Variants in FHIT observed in about 807,000 individuals in gnomAD.
The protein encoded by FHIT is fragile histidine triad diadenosine triphosphatase, also known as bis(5'-adenosyl)-triphosphatase.
FHIT carries 19 observed loss-of-function variants against 17.9 expected under a neutral mutation model. The observed-to-expected ratio is 1.06, with a 90% CI of 0.74 to 1.56. FHIT has a LOEUF of 1.56. FHIT is among the 40% of genes most tolerant of loss of function. The pLI, the probability that FHIT is intolerant of heterozygous loss-of-function variation, is 0.00. For synonymous variants in FHIT, 81 were observed against 69.7 expected (o/e 1.16, Z -0.81); for missense variants, 248 against 189.2 (o/e 1.31, Z -1.82).
At chr3:60,182,081 A>G (rs993465479) in intron 5 of FHIT, among the ~76,000 whole-genome samples, 1 of 152,188 alleles carries the variant, frequency 6.6e-6, no homozygotes, top group African/African-American at 2.4e-5. Flanking sequence ...GAACGATATG[A>G]GATAACTTCT....
At chr3:59,826,673 G>T (rs931145189) in intron 8 of FHIT, among the ~76,000 whole-genome samples, 1 of 152,250 alleles carries the variant, frequency 6.6e-6, no homozygotes, top group Non-Finnish European at 1.5e-5. Flanking sequence ...TCATACACGG[G>T]AGTCTCAGCG....
chr3:60,843,108 A>G (rs943435757), intron 3 of FHIT, among the ~76,000 whole-genome samples: 3 of 152,172 alleles, frequency 2.0e-5, no homozygotes, highest in Non-Finnish European at 2.9e-5. Flanking sequence ...AAAGGAATAC[A>G]GTTTAAAATT....
chr3:60,115,637 T>C (rs1704922589), intron 5 of FHIT, among the ~76,000 whole-genome samples: 2 of 152,172 alleles, frequency 1.3e-5, no homozygotes, highest in Admixed American at 6.5e-5. Flanking sequence ...GTAAAACATT[T>C]GTCACAGTTT....
At chr3:60,041,674 G>A (rs565710371) in intron 5 of FHIT, among the ~76,000 whole-genome samples, 5 of 152,272 alleles carry the variant, frequency 3.3e-5, no homozygotes, top group South Asian at 2.1e-4. Flanking sequence ...AAGCTGTCAT[G>A]GGGAGAAGAT....
intron 4 of FHIT, among the ~76,000 whole-genome samples, chr3:60,679,680 C>T (rs1553696319): frequency 6.6e-6 from 1 of 151,786 alleles, no homozygotes; most frequent in Non-Finnish European, 1.5e-5. Context: ...TGAATTTTTG[C>T]CTGCATCTCT....
intron 5 of FHIT, among the ~76,000 whole-genome samples, chr3:60,216,967 C>T (rs367569783): frequency 1.3e-5 from 2 of 152,072 alleles, no homozygotes; most frequent in South Asian, 2.1e-4. Flanking sequence ...CCATTTTATC[C>T]AACTACCCAG....
intron 5 of FHIT, among the ~76,000 whole-genome samples, chr3:60,331,353 T>G (rs1032958942): frequency 6.6e-6 from 1 of 152,174 alleles, no homozygotes; most frequent in African/African-American, 2.4e-5. Context: ...CCAAGTTTCA[T>G]GTTTCCTCTA....
chr3:61,084,479 C>T (rs1033975987), intron 2 of FHIT, among the ~76,000 whole-genome samples: 2 of 152,088 alleles, frequency 1.3e-5, no homozygotes, highest in African/African-American at 4.8e-5. Flanking sequence ...GAGAATAGAC[C>T]TCTTGACCCT....
At chr3:60,559,681 G>A (rs1409500368) in intron 4 of FHIT, among the ~76,000 whole-genome samples, 1 of 152,026 alleles carries the variant, frequency 6.6e-6, no homozygotes, top group African/African-American at 2.4e-5. Flanking sequence ...CTAACCCACT[G>A]AGAAGATGGA....
chr3:59,998,830 C>A (rs551577677), intron 7 of FHIT, among the ~76,000 whole-genome samples: 1 of 152,242 alleles, frequency 6.6e-6, no homozygotes, highest in African/African-American at 2.4e-5. Context: ...GACACCTAAA[C>A]CTAATCAAAG....
Position 60,942,058 on chromosome 3 carries a change from G to A in FHIT, c.-111+99989C>T, listed in dbSNP as rs906943125. On this transcript the variant is annotated intron_variant, in intron 3 of 9. Transcript: ENST00000492590. ...GGTGGTACAATGGCACAATTGGCTC[G>A]CTGCAACCTCCACCTCCTGGATTCA... Among the ~76,000 whole-genome samples, 7 of 152,026 alleles carry A rather than the reference G, an allele frequency of 4.6e-5. No homozygotes were observed. The East Asian group carries it at 1.4e-3, about 29-fold the overall frequency.
intron 1 of FHIT, among the ~76,000 whole-genome samples, chr3:61,201,945 T>C (rs1336538706): frequency 6.7e-6 from 1 of 149,844 alleles, no homozygotes; most frequent in Non-Finnish European, 1.5e-5. Context: ...TATATGTGTG[T>C]GTATGTGTGT....
intron 5 of FHIT, among the ~76,000 whole-genome samples, chr3:60,079,013 A>G (rs962413801): frequency 6.6e-6 from 1 of 152,088 alleles, no homozygotes; most frequent in African/African-American, 2.4e-5. Context: ...TGAACAAGTG[A>G]CTTGTCTTCA....
At chr3:60,841,533 A>G (rs1469977618) in intron 3 of FHIT, among the ~76,000 whole-genome samples, 1 of 152,244 alleles carries the variant, frequency 6.6e-6, no homozygotes. Flanking sequence ...CTCAATGTCT[A>G]TGCTTATCTT....
intron 7 of FHIT, among the ~76,000 whole-genome samples, chr3:59,999,938 T>G (rs142915074): frequency 6.6e-6 from 1 of 152,266 alleles, no homozygotes; most frequent in East Asian, 1.9e-4. Context: ...CTGGAAGTAA[T>G]GCAGGCTTCA....
intron 5 of FHIT, among the ~76,000 whole-genome samples, chr3:60,394,801 A>G (rs1701369148): frequency 6.6e-6 from 1 of 152,132 alleles, no homozygotes; most frequent in Non-Finnish European, 1.5e-5. Flanking sequence ...CACTGTTACC[A>G]CTATCATCAT....
chr3:59,999,866 C>T (rs1230874236), intron 7 of FHIT, among the ~76,000 whole-genome samples: 1 of 152,138 alleles, frequency 6.6e-6, no homozygotes, highest in Non-Finnish European at 1.5e-5. Context: ...CCTCAGCTTC[C>T]CAAAGTGCTG....
chr3:60,047,014 A>C (rs955888589), intron 5 of FHIT, among the ~76,000 whole-genome samples: 1 of 152,220 alleles, frequency 6.6e-6, no homozygotes. Context: ...TATCTGCTAG[A>C]ACTTGATGTG....
chr3:61,068,099 G>A (rs1389688630), intron 2 of FHIT, among the ~76,000 whole-genome samples: 1 of 152,150 alleles, frequency 6.6e-6, no homozygotes, highest in Non-Finnish European at 1.5e-5. Context: ...TAATTTACCA[G>A]GTGTATTACT....
Sources: allele counts gnomAD v4.1 joint callset (sites outside exome capture counted in the v4.1 genomes callset), GRCh38; gene constraint gnomAD v4.1.1; transcripts MANE v1.5; gene names NCBI Gene and HGNC (gene_info 2026-07-23, HGNC 2026-07-21).